Variants in GRID2 observed in about 807,000 individuals in gnomAD.
GRID2 encodes glutamate ionotropic receptor delta type subunit 2.
GRID2 carries 33 observed loss-of-function variants against 114.8 expected under a neutral mutation model. The observed-to-expected ratio is 0.29, with a 90% CI of 0.22 to 0.38. GRID2 has a LOEUF of 0.38. Among genes scored for constraint, GRID2 ranks in the 10% least tolerant of loss-of-function variants. The probability of loss-of-function intolerance (pLI) is 1.00; values close to 1 mark genes in which losing one functional copy is unlikely to be tolerated. For missense variants in GRID2, 1,184 were observed against 1,257.7 expected (o/e 0.94, Z 0.89); for synonymous variants, 505 against 449.9 (o/e 1.12, Z -1.55).
chr4:92,514,618 C>T (rs755463927), intron 1 of GRID2, among the ~76,000 whole-genome samples: 3 of 151,836 alleles, frequency 2.0e-5, no homozygotes, highest in African/African-American at 4.8e-5. Flanking sequence ...GAAGAATGAT[C>T]ATATAAAATC....
At chr4:92,355,200 T>C (rs1294446113) in intron 1 of GRID2, among the ~76,000 whole-genome samples, 2 of 151,952 alleles carry the variant, frequency 1.3e-5, no homozygotes, top group African/African-American at 4.8e-5. Flanking sequence ...TTTTCAGCCA[T>C]GGCCACATTA....
intron 2 of GRID2, among the ~76,000 whole-genome samples, chr4:92,923,114 A>G (rs1578485030): frequency 6.6e-6 from 1 of 152,324 alleles, no homozygotes; most frequent in East Asian, 1.9e-4. Flanking sequence ...TTTAAACATA[A>G]TTTTCATGAA....
At chr4:92,326,312 G>A (rs1282775355) in intron 1 of GRID2, among the ~76,000 whole-genome samples, 2 of 151,800 alleles carry the variant, frequency 1.3e-5, no homozygotes, top group African/African-American at 2.4e-5. Context: ...TAATTTAAAG[G>A]CATTTTAATG....
intron 9 of GRID2, among the ~76,000 whole-genome samples, chr4:93,402,995 T>C (rs1373398620): frequency 3.9e-5 from 6 of 152,134 alleles, no homozygotes; most frequent in African/African-American, 1.4e-4. Flanking sequence ...TTGAGCCTCT[T>C]GAACCTGGAG....
chr4:92,701,579 A>C (rs1054019589), intron 2 of GRID2, among the ~76,000 whole-genome samples: 1 of 152,318 alleles, frequency 6.6e-6, no homozygotes, highest in Admixed American at 6.5e-5. Context: ...TATTTGTTTT[A>C]AAAGTGTTCT....
chr4:92,541,172 T>G (rs1725926979), intron 1 of GRID2, among the ~76,000 whole-genome samples: 1 of 151,998 alleles, frequency 6.6e-6, no homozygotes. Flanking sequence ...AGGGATAGCA[T>G]TAGTAGATAT....
intron 1 of GRID2, among the ~76,000 whole-genome samples, chr4:92,441,614 A>AT (rs879579791): frequency 2.0e-5 from 3 of 152,146 alleles, no homozygotes; most frequent in Non-Finnish European, 4.4e-5. Context: ...AAATGGGGGA[A>AT]TTGTAAGGAG....
chr4:92,800,143 TCAG>T (rs750030717), intron 2 of GRID2, among the ~76,000 whole-genome samples: 27 of 151,902 alleles, frequency 1.8e-4, no homozygotes, highest in Non-Finnish European at 3.2e-4. Context: ...AGAAAAATAA[TCAG>T]CAATTTATTT....
At chr4:92,388,574 C>T (rs1165276692) in intron 1 of GRID2, among the ~76,000 whole-genome samples, 1 of 152,002 alleles carries the variant, frequency 6.6e-6, no homozygotes, top group Non-Finnish European at 1.5e-5. Flanking sequence ...AGACTCTCAT[C>T]TTTTATCACA....
intron 2 of GRID2, among the ~76,000 whole-genome samples, chr4:93,014,171 C>G (rs990855070): frequency 6.6e-6 from 1 of 151,976 alleles, no homozygotes; most frequent in South Asian, 2.1e-4. Context: ...GCTGCTATGA[C>G]AAAATACCAC....
At chr4:93,050,675 A>G (rs533683165) in intron 2 of GRID2, among the ~76,000 whole-genome samples, 5 of 152,062 alleles carry the variant, frequency 3.3e-5, no homozygotes, top group Non-Finnish European at 7.4e-5. Flanking sequence ...ATGAATGAAT[A>G]CATTCGACTA....
At chr4:92,461,376 C>T (rs188941778) in intron 1 of GRID2, among the ~76,000 whole-genome samples, 14 of 151,914 alleles carry the variant, frequency 9.2e-5, no homozygotes, top group Non-Finnish European at 4.4e-5. Flanking sequence ...TATTTTTATA[C>T]GTTGTTTTGC....
At chr4:93,488,575 G>A (rs185745030) in intron 11 of GRID2, among the ~76,000 whole-genome samples, 72 of 151,896 alleles carry the variant, frequency 4.7e-4, no homozygotes, top group Admixed American at 7.9e-4. Flanking sequence ...TATTTCCACC[G>A]TGAGTATAAA....
intron 11 of GRID2, among the ~76,000 whole-genome samples, chr4:93,478,493 CTTATT>C (rs1419464871): frequency 1.3e-5 from 2 of 151,426 alleles, no homozygotes; most frequent in Admixed American, 6.6e-5. Flanking sequence ...TCAGAACATT[CTTATT>C]TTAAGTAAAT....
intron 7 of GRID2, among the ~76,000 whole-genome samples, chr4:93,234,508 G>T (rs925219502): frequency 6.6e-6 from 1 of 152,130 alleles, no homozygotes; most frequent in Non-Finnish European, 1.5e-5. Flanking sequence ...CTGGCTGTGA[G>T]TCTCTATTAT....
At chr4:92,932,107 C>T (rs1750284012) in intron 2 of GRID2, among the ~76,000 whole-genome samples, 2 of 150,696 alleles carry the variant, frequency 1.3e-5, no homozygotes, top group Non-Finnish European at 3.0e-5. Context: ...AATAAAATTG[C>T]AATTAAGCAT....
intron 2 of GRID2, among the ~76,000 whole-genome samples, chr4:92,810,877 C>T (rs915002857): frequency 4.6e-5 from 7 of 152,166 alleles, no homozygotes; most frequent in Non-Finnish European, 2.9e-5. Context: ...CTGCAACCTC[C>T]GCCTCCCGGG....
chr4:92,615,424 C>A (rs529866506), intron 2 of GRID2, among the ~76,000 whole-genome samples: 43 of 151,690 alleles, frequency 2.8e-4, no homozygotes, highest in African/African-American at 9.9e-4. Context: ...CAATTCAGTT[C>A]ATAATATCAG....
chr4:92,488,253 C>A (rs112908900), intron 1 of GRID2, among the ~76,000 whole-genome samples: 1 of 152,224 alleles, frequency 6.6e-6, no homozygotes, highest in African/African-American at 2.4e-5. Context: ...TTCTGACAAC[C>A]AGTGAGAAAA....
Sources: gnomAD v4.1 joint callset for allele counts (sites outside exome capture counted in the v4.1 genomes callset) on GRCh38, gnomAD v4.1.1 for gene constraint, MANE v1.5 for transcripts, NCBI Gene and HGNC (gene_info 2026-07-23, HGNC 2026-07-21) for gene names.